Variants in SGSH observed in about 807,000 individuals in gnomAD.
SGSH encodes heparan sulfate sulfatase.
Under a neutral mutation model 51.0 loss-of-function variants are expected in SGSH, and 48 were observed. The ratio of observed to expected loss-of-function variants is 0.94; its 90% confidence interval spans 0.75 to 1.20. The LOEUF (loss-of-function observed/expected upper bound fraction) is 1.20, where lower values mean the gene tolerates loss of function less well. Ranked by LOEUF, SGSH falls within the 50% of genes most tolerant of loss-of-function variation. The pLI, the probability that SGSH is intolerant of heterozygous loss-of-function variation, is 0.00. For missense variants in SGSH, 662 were observed against 717.8 expected (o/e 0.92, Z 0.89); for synonymous variants, 321 against 313.4 (o/e 1.02, Z -0.26).
downstream of SGSH, chr17:80,202,349 G>A (rs867664458): frequency 6.2e-7 from 1 of 1,613,444 alleles, no homozygotes; most frequent in Non-Finnish European, 8.5e-7. Flanking sequence ...GCGGCTGCTG[G>A]CATGCCCACC....
Position 80,213,737 on chromosome 17 carries a change from G to T in SGSH, c.745+67C>A. On this transcript the variant is annotated intron_variant, in intron 6 of 7. Coordinates refer to ENST00000326317, the MANE Select transcript of SGSH (RefSeq NM_000199.5). This position sits in a 1 kb window ranked among gnomAD's most constrained non-coding sequence, Gnocchi z 4.6. ...CCCACATTATGCCGTGACCTAAGAG[G>T]GCGCTGGCCCAGGATGGGGGACCCC... is the stretch of plus-strand genomic sequence containing the variant. 1.5e-6 allele frequency: 2 copies of T among 1,352,096 alleles called. No homozygotes were observed. The highest frequency in any genetic ancestry group is 2.5e-5 in the South Asian group (2 of 81,062). The allele number at this position is 1,352,096 out of a possible 1,614,324, so 83.8% of individuals were successfully genotyped here.
chr17:80,216,976 C>G (rs906335571), intron 2 of SGSH, 56 bp downstream of exon 2: 1 of 1,480,696 alleles, frequency 6.8e-7, no homozygotes, highest in Non-Finnish European at 9.1e-7. Flanking sequence ...GCCTGGGCCC[C>G]GGACGCAGCC....
chr17:80,208,224 G>A (rs769815186), downstream of SGSH: 2 of 1,567,236 alleles, frequency 1.3e-6, no homozygotes, highest in Non-Finnish European at 1.7e-6. Context: ...CGGGCGCCCT[G>A]TCTATACAGC....
chr17:80,210,645 T>C lies in SGSH; in HGVS notation c.1316A>G (p.Tyr439Cys), dbSNP rs900198526. Reference protein sequence around the residue: ...HYYYRARWELYDRSRDPHETQ... With the variant: ...HYYYRARWELCDRSRDPHETQ... ...CTCGTGGGGGTCCCGGCTCCGGTCGTAGAGCTCCCAGCGCGCCCGGTAGTA... is the reference window on the plus strand; with the variant it reads ...CTCGTGGGGGTCCCGGCTCCGGTCGCAGAGCTCCCAGCGCGCCCGGTAGTA... Residue 439 changes from tyrosine (Y) to cysteine (C), a missense_variant, in exon 8 of 8, where the codon TAC (tyrosine) becomes TGC (cysteine). Transcript: ENST00000326317. 9 of 1,613,934 alleles carry C rather than the reference T, an allele frequency of 5.6e-6. No individual in the cohort carries two copies. The highest frequency in any genetic ancestry group is 6.8e-6 in the Non-Finnish European group (8 of 1,180,008).
downstream of SGSH, chr17:80,205,718 G>A (rs1164511288): frequency 1.4e-6 from 2 of 1,463,684 alleles, no homozygotes; most frequent in East Asian, 2.5e-5. Context: ...GCAGAGGAGG[G>A]GGATGAGATA....
Position 80,215,085 on chromosome 17 carries a change from G to T in SGSH, c.303C>A (p.Phe101Leu), listed in dbSNP as rs150482611. 6.2e-7 allele frequency: 1 copy of T among 1,612,320 alleles called. No homozygotes were observed. The highest frequency in any genetic ancestry group is 2.2e-5 in the East Asian group (1 of 44,880). The change falls in exon 3 of 8, where the codon TTC becomes TTA. Residue 101 changes from phenylalanine to leucine, a missense_variant. Phe to Leu is a conservative substitution (Grantham distance 22, BLOSUM62 0). Transcript: ENST00000326317. ...LHQDVHHFNS[F>L]DKVRSLPLLL... Reference sequence around the variant, plus strand: ...GCAGCGGCAGGCTCCGCACCTTGTCGAAGGAGTTGAAGTGGTGCACGTCCT... The same window carrying T: ...GCAGCGGCAGGCTCCGCACCTTGTCTAAGGAGTTGAAGTGGTGCACGTCCT...
At chr17:80,208,327 G>A (rs1411024608), downstream of SGSH, 6 of 1,599,876 alleles carry the variant, frequency 3.8e-6, no homozygotes, top group East Asian at 2.3e-5. Context: ...TGGTGTGGAC[G>A]GAGCAGAGCC....
chr17:80,213,682 A>C lies in SGSH; in HGVS notation c.745+122T>G. The C allele has an allele frequency of 1.1e-6, 1 of 889,754 alleles. No individual in the cohort carries two copies. The highest frequency in any genetic ancestry group is 1.5e-5 in the South Asian group (1 of 68,756). The allele number at this position is 889,754 out of a possible 1,614,324, so 55.1% of individuals were successfully genotyped here. On this transcript the variant is annotated intron_variant, in intron 6 of 7. Transcript: ENST00000326317. The surrounding 1 kb of genome is among the most constrained non-coding windows in gnomAD (Gnocchi z 4.6). ...TCTCAATGTGGGCTCTGCCAGCTGC[A>C]GCACAGGGCCTGCCACACTGGGACC... is the stretch of plus-strand genomic sequence containing the variant.
At chr17:80,204,918 A>T (rs750388983), downstream of SGSH, 13 of 855,078 alleles carry the variant, frequency 1.5e-5, no homozygotes, top group East Asian at 1.4e-4. Flanking sequence ...TGCCCCTGGA[A>T]TTCTAGGTGC....
At chr17:80,204,430 G>A (rs1353497839), downstream of SGSH, 5 of 1,290,284 alleles carry the variant, frequency 3.9e-6, no homozygotes, top group Non-Finnish European at 5.3e-6. Flanking sequence ...GCTGGGGCAG[G>A]GGGATGCCAC....
At chr17:80,202,139 G>C (rs201468126), downstream of SGSH, 11 of 1,544,572 alleles carry the variant, frequency 7.1e-6, 1 homozygote, top group South Asian at 5.6e-5. Context: ...GCAGAGGCTC[G>C]TATCTGTGGC....
At chr17:80,202,160 C>T (rs2041014434), downstream of SGSH, 5 of 1,597,302 alleles carry the variant, frequency 3.1e-6, no homozygotes, top group South Asian at 4.4e-5. Context: ...TCATCTGTGG[C>T]TCATGTCCCC....
chr17:80,205,190 A>C, downstream of SGSH: 3 of 1,612,918 alleles, frequency 1.9e-6, no homozygotes, highest in Non-Finnish European at 1.7e-6. Context: ...CCAAGGGTTT[A>C]AGAAGTGCCT....
In SGSH at chr17:80,212,014, G is replaced by A; in HGVS notation, c.949+57C>T. On this transcript the variant is annotated intron_variant, in intron 7 of 7. Coordinates refer to ENST00000326317, the MANE Select transcript of SGSH (RefSeq NM_000199.5). This position sits in a 1 kb window ranked among gnomAD's most constrained non-coding sequence, Gnocchi z 5.9. ...TGTGGAGCAGCATCTGACAGGTCAT[G>A]GCCCCGTCCCAGATCCACTCCCACA... 1 of 1,432,596 alleles carries A rather than the reference G, an allele frequency of 7.0e-7. No individual in the cohort carries two copies. 88.7% of individuals were successfully genotyped at this position (1,432,596 alleles called of 1,614,324 possible). A position where few individuals can be genotyped will look rare whatever the true frequency, so the allele number is the denominator to read the frequency against.
chr17:80,215,000 C>T (rs1351684294), intron 3 of SGSH, 33 bp downstream of exon 3: 2 of 1,573,694 alleles, frequency 1.3e-6, no homozygotes, highest in African/African-American at 2.7e-5. Context: ...CTGTGCCTCA[C>T]CCCACGCCCT....
downstream of SGSH, chr17:80,203,855 C>T (rs1567900925): frequency 6.3e-7 from 1 of 1,595,364 alleles, no homozygotes; most frequent in Non-Finnish European, 8.5e-7. The surrounding 1 kb of genome is among the most constrained non-coding windows in gnomAD (Gnocchi z 4.6). Context: ...TCATCCAGGA[C>T]ATGACTCAGC....
At chr17:80,211,860 A>T (rs1333662483) in intron 7 of SGSH, 3 of 606,554 alleles carry the variant, frequency 4.9e-6, no homozygotes, top group East Asian at 2.8e-5. Context: ...ATCCTAGCTT[A>T]GTGCTTACCA....
At chr17:80,217,324 A>C in intron 1 of SGSH, 132 bp from the exon 2 acceptor site, 1 of 1,025,076 alleles carries the variant, frequency 9.8e-7, no homozygotes, top group Non-Finnish European at 1.5e-6. Flanking sequence ...GCTCAGTGTG[A>C]ACACTCAGCG....
At position 80,210,085 on chromosome 17, in the gene SGSH, A is replaced by T; in HGVS notation, c.*367T>A. On this transcript the variant is annotated 3_prime_UTR_variant, in exon 8 of 8. Transcript: ENST00000326317. ...AGAGGGCCTCAGGCCTCCCATTTGC[A>T]GGTCCCCAAACCAAGCCAGAAAACA... 8.8e-7 allele frequency: 1 copy of T among 1,134,424 alleles called. No homozygotes were observed. Among genetic ancestry groups the T allele is most frequent in the Non-Finnish European group, 1.1e-6 (1 of 919,698 alleles). 70.3% of individuals were successfully genotyped at this position (1,134,424 alleles called of 1,614,324 possible). A position where few individuals can be genotyped will look rare whatever the true frequency, so the allele number is the denominator to read the frequency against.
Sources: gnomAD v4.1 joint callset for allele counts on GRCh38, gnomAD v4.1.1 for gene constraint, Gnocchi (gnomAD v3.1) non-coding constraint, MANE v1.5 for transcripts, NCBI Gene and HGNC (gene_info 2026-07-23, HGNC 2026-07-21) for gene names.